ADAMTS9: variants seen among roughly 807,000 people sequenced by gnomAD.
The protein encoded by ADAMTS9 is ADAM metallopeptidase with thrombospondin type 1 motif 9.
In ADAMTS9, 107 loss-of-function variants were observed where a neutral mutation model predicts 257.1. The ratio of observed to expected loss-of-function variants is 0.42; its 90% CI spans 0.36 to 0.49. The LOEUF is 0.49. ADAMTS9 is among the 20% of genes least tolerant of loss of function. The probability of loss-of-function intolerance (pLI) is 0.03; values close to 1 mark genes in which losing one functional copy is unlikely to be tolerated. For missense variants in ADAMTS9, 2,353 were observed against 2,469.1 expected, an observed-to-expected ratio of 0.95 and a Z score of 1.00; for synonymous variants, 982 against 880.9, an observed-to-expected ratio of 1.11 and a Z score of -2.03.
intron 2 of ADAMTS9, among the ~76,000 whole-genome samples, chr3:64,684,441 A>G (rs1178830207): frequency 6.6e-6 from 1 of 151,990 alleles, no homozygotes; most frequent in Non-Finnish European, 1.5e-5. Context: ...TAGACTCTTC[A>G]AGATTTCCTG....
intron 37 of ADAMTS9, among the ~76,000 whole-genome samples, chr3:64,535,552 C>CTTTTTTT (rs57945713): frequency 1.2e-5 from 1 of 84,662 alleles, no homozygotes; most frequent in African/African-American, 4.0e-5. Context: ...CTTTTCTTTT[C>CTTTTTTT]TTTTTTTTTT....
At chr3:64,673,070 C>T (rs561693522) in intron 3 of ADAMTS9, among the ~76,000 whole-genome samples, 150 of 152,244 alleles carry the variant, frequency 9.9e-4, no homozygotes, top group African/African-American at 3.3e-3. Context: ...CTATGTACCA[C>T]GTAGCCTAGG....
Position 64,645,802 on chromosome 3 carries a change from C to T in ADAMTS9, c.1710+2138G>A, listed in dbSNP as rs1017746425. ...GCCTTGAAGGCTCCTGCTCTTGCTA[C>T]AAGCACACCCACTTGCTTGTGTTTA... On this transcript the variant is annotated intron_variant, in intron 11 of 39. Transcript: ENST00000498707. Among the ~76,000 whole-genome samples, 4 of 152,314 alleles carry T rather than the reference C, an allele frequency of 2.6e-5. No homozygotes were observed. The East Asian group carries it at 7.7e-4, about 29-fold the overall frequency.
intron 10 of ADAMTS9, 118 bp from the exon 11 acceptor site, chr3:64,648,162 A>T: frequency 1.1e-6 from 1 of 892,804 alleles, no homozygotes; most frequent in Non-Finnish European, 1.7e-6. Context: ...GTGGGGAAGG[A>T]AATTCTTTTC....
At chr3:64,680,135 G>A (rs1410294532) in intron 3 of ADAMTS9, among the ~76,000 whole-genome samples, 4 of 152,112 alleles carry the variant, frequency 2.6e-5, no homozygotes, top group Admixed American at 2.0e-4. Flanking sequence ...ATAATTCCAG[G>A]AGAGAATAGG....
chr3:64,649,615 G>T, intron 10 of ADAMTS9, 22 bp downstream of exon 10: 1 of 1,596,538 alleles, frequency 6.3e-7, no homozygotes, highest in Non-Finnish European at 8.5e-7. Flanking sequence ...GATGAGGGCA[G>T]AAGTGGCCCT....
At chr3:64,672,763 G>C (rs1005723202) in intron 3 of ADAMTS9, among the ~76,000 whole-genome samples, 7 of 152,134 alleles carry the variant, frequency 4.6e-5, no homozygotes, top group Non-Finnish European at 1.0e-4. Context: ...AACCTAACTT[G>C]CCACCTTACA....
At chr3:64,536,151 C>T (rs560704673) in intron 37 of ADAMTS9, among the ~76,000 whole-genome samples, 1 of 152,318 alleles carries the variant, frequency 6.6e-6, no homozygotes, top group African/African-American at 2.4e-5. Flanking sequence ...TCTGCCTTCC[C>T]AGAGGGGTTG....
intron 39 of ADAMTS9, among the ~76,000 whole-genome samples, chr3:64,517,973 T>C (rs1004774519): frequency 2.0e-5 from 3 of 152,114 alleles, no homozygotes; most frequent in Non-Finnish European, 4.4e-5. Flanking sequence ...TCCTTGGATG[T>C]TGTGATTTGT....
chr3:64,542,014 G>C lies in ADAMTS9; in HGVS notation c.5065-44C>G, dbSNP rs764231111. The C allele has an allele frequency of 8.7e-6, 14 of 1,612,132 alleles. No homozygotes were observed. The Admixed American group carries it at 1.8e-4, about 21-fold the overall frequency. ...TCAGCGGTGTGGCTATGGAATGTGG[G>C]AGGCATAGGCTTCTGGTGGTGTGGA... On this transcript the variant is annotated intron_variant, in intron 32 of 39. Transcript: ENST00000498707.
At chr3:64,660,453 C>A (rs547914549) in intron 3 of ADAMTS9, among the ~76,000 whole-genome samples, 2 of 152,284 alleles carry the variant, frequency 1.3e-5, no homozygotes, top group South Asian at 4.1e-4. Context: ...CAGTTACCTG[C>A]AGTCACCTCA....
intron 19 of ADAMTS9, among the ~76,000 whole-genome samples, chr3:64,617,437 T>C (rs536952252): frequency 1.2e-4 from 18 of 152,280 alleles, no homozygotes; most frequent in African/African-American, 4.1e-4. Context: ...GAAGAGTCTA[T>C]GGAAAGGGCA....
chr3:64,629,511 C>T (rs1700313953), intron 16 of ADAMTS9, among the ~76,000 whole-genome samples: 3 of 152,188 alleles, frequency 2.0e-5, no homozygotes, highest in Admixed American at 2.0e-4. Context: ...GCCTGGAATG[C>T]TCTTCCCCTA....
In ADAMTS9 at chr3:64,596,764, T is replaced by C; in HGVS notation, c.4179+66A>G. ...AGTTCTTCTCCTTGAAAATAAAATC[T>C]GAATGATAAATACAGTTTGGTTAAC... is the stretch of plus-strand genomic sequence containing the variant. On this transcript the variant is annotated intron_variant, in intron 27 of 39. Coordinates refer to ENST00000498707, the MANE Select transcript of ADAMTS9 (RefSeq NM_182920.2). 4 of 1,576,732 alleles carry C rather than the reference T, an allele frequency of 2.5e-6. No homozygotes were observed. In the Admixed American group the frequency reaches 5.3e-5, roughly 21 times the overall value.
chr3:64,533,245 C>T lies in ADAMTS9; in HGVS notation c.5639G>A (p.Gly1880Glu). ...PQGRFSINLY[G>E]TGLSLTESAR... ...AGATTCAGTTAAAGACAAGCCGGTTCCATAAAGGTTGATGCTAAAACGACC... is the reference window on the plus strand; with the variant it reads ...AGATTCAGTTAAAGACAAGCCGGTTTCATAAAGGTTGATGCTAAAACGACC... The change falls in exon 38 of 40, where the codon GGA (glycine) becomes GAA (glutamate). Residue 1880 changes from glycine (G) to glutamate (E), a missense_variant. Coordinates refer to ENST00000498707, the MANE Select transcript of ADAMTS9 (RefSeq NM_182920.2). 1 of 1,614,086 alleles carries T rather than the reference C, an allele frequency of 6.2e-7. No individual in the cohort carries two copies. The highest frequency in any genetic ancestry group is 1.1e-5 in the South Asian group (1 of 91,070).
At position 64,650,867 on chromosome 3, in the gene ADAMTS9, C is replaced by CTT. The variant is rs35102734; in HGVS notation, c.1463+148_1463+149dup. On this transcript the variant is annotated intron_variant, in intron 9 of 39. Transcript: ENST00000498707. ...TATGAACTACACAGATGTCAGAGAG[C>CTT]TTTTTTTTTTTTTTTTTGCCTTCTC... The CTT allele has an allele frequency of 3.5e-3, 1,659 of 476,708 alleles. 2 individuals are homozygous for CTT. Among genetic ancestry groups the CTT allele is most frequent in the South Asian group, 6.2e-3 (200 of 32,114 alleles). The allele number at this position is 476,708 out of a possible 1,614,324, so 29.5% of individuals were successfully genotyped here. A position where few individuals can be genotyped will look rare whatever the true frequency, so the allele number is the denominator to read the frequency against.
In ADAMTS9 at chr3:64,561,605, G is replaced by A. The variant is rs374414296; in HGVS notation, c.4671C>T (p.Tyr1557=). 3.2e-5 allele frequency: 51 copies of A among 1,613,860 alleles called. No individual in the cohort carries two copies. In the Middle Eastern group the frequency reaches 6.6e-4, roughly 21 times the overall value. Residue 1557 remains tyrosine (Y), a synonymous_variant, in exon 30 of 40, where the codon TAC becomes TAT. Transcript: ENST00000498707. ...RDCQGPRCPL[Y]TWRAEEWQEC... ...CTTGCCATTCCTCTGCCCTCCAAGT[G>A]TAGAGGGGACACCGTGGGCCTTGGC...
At chr3:64,538,219 T>G (rs1559752462) in intron 37 of ADAMTS9, among the ~76,000 whole-genome samples, 1 of 152,174 alleles carries the variant, frequency 6.6e-6, no homozygotes, top group Non-Finnish European at 1.5e-5. Flanking sequence ...GCTACAGATT[T>G]CTCAAGGGAT....
At chr3:64,524,387 T>C (rs1255879984) in intron 38 of ADAMTS9, among the ~76,000 whole-genome samples, 2 of 152,214 alleles carry the variant, frequency 1.3e-5, no homozygotes, top group Middle Eastern at 3.2e-3. Flanking sequence ...TAACATTATA[T>C]GGTTATGGAC....
Sources: gnomAD v4.1 joint callset for allele counts (sites outside exome capture counted in the v4.1 genomes callset) on GRCh38, gnomAD v4.1.1 for gene constraint, MANE v1.5 for transcripts, NCBI Gene and HGNC (gene_info 2026-07-23, HGNC 2026-07-21) for gene names.